CELSR1: variants seen among roughly 807,000 people sequenced by gnomAD.
The protein encoded by CELSR1 is adhesion G protein-coupled receptor C1.
A neutral mutation model predicts 249.1 loss-of-function variants in CELSR1; 110 were observed. The observed-to-expected ratio is 0.44, with a 90% CI of 0.38 to 0.52. The LOEUF is 0.52. Among genes scored for constraint, CELSR1 ranks in the 20% least tolerant of loss-of-function variants. The pLI is 0.00. For synonymous variants in CELSR1, 2,113 were observed against 1,900.0 expected, an observed-to-expected ratio of 1.11 and a Z score of -2.92; for missense variants, 4,109 against 4,296.4, an observed-to-expected ratio of 0.96 and a Z score of 1.22.
chr22:46,362,469 C>T lies in CELSR1; in HGVS notation c.*754G>A, dbSNP rs997223662. 3.9e-5 allele frequency: 6 copies of T among 152,534 alleles called. No homozygotes were observed. Among genetic ancestry groups the T allele is most frequent in the African/African-American group, 7.2e-5 (3 of 41,462 alleles). The allele number at this position is 152,534 out of a possible 1,614,324, so 9.4% of individuals were successfully genotyped here. A position where few individuals can be genotyped will look rare whatever the true frequency, so the allele number is the denominator to read the frequency against. On this transcript the variant is annotated 3_prime_UTR_variant, in exon 35 of 35. Transcript: ENST00000674500. ...GCCCACACCATCCTCACTTCCTGGCCGAAGGCAGCTGTAGGGCTTCTAGCC... is the reference window on the plus strand; with the variant it reads ...GCCCACACCATCCTCACTTCCTGGCTGAAGGCAGCTGTAGGGCTTCTAGCC...
At chr22:46,368,362 C>T (rs369978158) in intron 27 of CELSR1, among the ~76,000 whole-genome samples, 2 of 152,178 alleles carry the variant, frequency 1.3e-5, no homozygotes, top group Admixed American at 6.5e-5. Flanking sequence ...GTCCACAGGT[C>T]GTGGATGGCA....
intron 19 of CELSR1, 23 bp downstream of exon 19, chr22:46,386,379 C>T: frequency 6.6e-7 from 1 of 1,522,904 alleles, no homozygotes; most frequent in Non-Finnish European, 8.8e-7. Context: ...AGGGTTCCAC[C>T]CCCAACGCAG....
chr22:46,407,701 G>A lies in CELSR1; in HGVS notation c.5226+1295C>T, dbSNP rs1206619961. 6.6e-6 allele frequency among the ~76,000 whole-genome samples: 1 copy of A among 152,204 alleles called. No homozygotes were observed. Among genetic ancestry groups the A allele is most frequent in the Non-Finnish European group, 1.5e-5 (1 of 68,046 alleles). On this transcript the variant is annotated intron_variant, in intron 9 of 34. Coordinates refer to ENST00000674500, the MANE Select transcript of CELSR1 (RefSeq NM_001378328.1). The surrounding 1 kb of genome is among the most constrained non-coding windows in gnomAD (Gnocchi z 4.8). ...GAAGGAATAACTCAGTTATGAATCT[G>A]TCAAATCAAGACAGAGCGCCCTGCT...
chr22:46,508,366 T>C (rs958864979), intron 1 of CELSR1, among the ~76,000 whole-genome samples: 2 of 152,072 alleles, frequency 1.3e-5, no homozygotes, highest in Admixed American at 6.5e-5. Flanking sequence ...GAGGGGCACA[T>C]GGGCCCTGCC....
chr22:46,497,002 A>G (rs1361617648), intron 1 of CELSR1, among the ~76,000 whole-genome samples: 3 of 152,242 alleles, frequency 2.0e-5, no homozygotes, highest in Non-Finnish European at 2.9e-5. Context: ...CGTGTGTGCT[A>G]GAATTTTACA....
intron 1 of CELSR1, among the ~76,000 whole-genome samples, chr22:46,522,625 T>C (rs755470811): frequency 2.4e-4 from 36 of 152,230 alleles, no homozygotes; most frequent in Non-Finnish European, 4.1e-4. Context: ...TAACAGTTTT[T>C]AAATGGGATA....
chr22:46,533,491 G>A (rs552565392), intron 1 of CELSR1, 136 bp downstream of exon 1: 35 of 1,305,478 alleles, frequency 2.7e-5, no homozygotes, highest in Middle Eastern at 2.5e-4. Context: ...TCCAACCGGC[G>A]GCAACAAATC....
chr22:46,465,377 G>T (rs375584421), intron 1 of CELSR1, among the ~76,000 whole-genome samples: 2 of 151,896 alleles, frequency 1.3e-5, no homozygotes, highest in African/African-American at 4.8e-5. Context: ...TCCATGGAGC[G>T]TGGGGCCCCT....
intron 5 of CELSR1, among the ~76,000 whole-genome samples, chr22:46,421,743 G>T (rs1048868078): frequency 1.3e-5 from 2 of 152,274 alleles, no homozygotes; most frequent in African/African-American, 4.8e-5. Context: ...GGTAAGTAAA[G>T]GCAGTGGCCG....
Position 46,506,173 on chromosome 22 carries a change from CAAAAAAAA to C in CELSR1, c.3544+27446_3544+27453del, listed in dbSNP as rs59470297. Among the ~76,000 whole-genome samples the C allele has an allele frequency of 5.1e-5, 7 of 137,032 alleles. No individual in the cohort carries two copies. The highest frequency in any genetic ancestry group is 8.8e-5 in the African/African-American group (3 of 34,246). 89.9% of individuals were successfully genotyped at this position (137,032 alleles called of 152,430 possible). A position where few individuals can be genotyped will look rare whatever the true frequency, so the allele number is the denominator to read the frequency against. On this transcript the variant is annotated intron_variant, in intron 1 of 34. Coordinates refer to ENST00000674500, the MANE Select transcript of CELSR1 (RefSeq NM_001378328.1). This position sits in a 1 kb window ranked among gnomAD's most constrained non-coding sequence, Gnocchi z 4.1. ...CAGCCTGGGCGACAGAGACTGTCTC[CAAAAAAAA>C]AAAAAAAAAAAAGAAAAAGAAAGAA...
chr22:46,503,539 A>G (rs1203473611), intron 1 of CELSR1, among the ~76,000 whole-genome samples: 1 of 152,256 alleles, frequency 6.6e-6, no homozygotes, highest in Non-Finnish European at 1.5e-5. Context: ...GCATCCAGCG[A>G]GAGGAAGCCA....
At chr22:46,491,898 A>G (rs564219159) in intron 1 of CELSR1, among the ~76,000 whole-genome samples, 2 of 152,224 alleles carry the variant, frequency 1.3e-5, no homozygotes, top group South Asian at 4.2e-4. Context: ...CAGCCTCCCA[A>G]AGTGCTGGGA....
Position 46,410,258 on chromosome 22 carries a change from G to C in CELSR1, c.4933+140C>G. ...GCCTGGACTCCGGGTTCCATCCCAG[G>C]AGCTGCCCACCGCTGGACACATACA... On this transcript the variant is annotated intron_variant, in intron 7 of 34. Transcript: ENST00000674500. This position sits in a 1 kb window ranked among gnomAD's most constrained non-coding sequence, Gnocchi z 6.8. 9.5e-7 allele frequency: 1 copy of C among 1,056,520 alleles called. No individual in the cohort carries two copies. The allele number at this position is 1,056,520 out of a possible 1,614,324, so 65.4% of individuals were successfully genotyped here.
rs568816275 is a variant in CELSR1 at position 46,490,021 on chromosome 22, C to T, written c.3545-25676G>A. 2.6e-4 allele frequency among the ~76,000 whole-genome samples: 39 copies of T among 152,328 alleles called. No homozygotes were observed. The highest frequency in any genetic ancestry group is 4.6e-4 in the African/African-American group (19 of 41,580). On this transcript the variant is annotated intron_variant, in intron 1 of 34. Coordinates refer to ENST00000674500, the MANE Select transcript of CELSR1 (RefSeq NM_001378328.1). The surrounding 1 kb of genome is among the most constrained non-coding windows in gnomAD (Gnocchi z 5.2). ...GCGTCCTCCTGGCCATCTCAGCATC[C>T]GCCCCTGCAGTGGGAACACCTAACG...
intron 1 of CELSR1, among the ~76,000 whole-genome samples, chr22:46,502,403 A>G: frequency 7.8e-6 from 1 of 128,060 alleles, no homozygotes; most frequent in Non-Finnish European, 1.6e-5. Flanking sequence ...AAGTGGAAAG[A>G]AGAGGGAAGG....
chr22:46,457,331 C>T (rs570632388), intron 2 of CELSR1, among the ~76,000 whole-genome samples: 1 of 151,888 alleles, frequency 6.6e-6, no homozygotes, highest in Non-Finnish European at 1.5e-5. Flanking sequence ...GGCAACAGAG[C>T]AAGACTCATC....
At chr22:46,525,836 C>G (rs1029185143) in intron 1 of CELSR1, among the ~76,000 whole-genome samples, 2 of 152,242 alleles carry the variant, frequency 1.3e-5, no homozygotes, top group Non-Finnish European at 2.9e-5. Flanking sequence ...AGGCACCAGC[C>G]CAAACCCAAG....
Position 46,399,003 on chromosome 22 carries a change from T to C in CELSR1, c.5413-366A>G, listed in dbSNP as rs1183941458. Among the ~76,000 whole-genome samples the C allele has an allele frequency of 2.0e-5, 3 of 152,178 alleles. No homozygotes were observed. Among genetic ancestry groups the C allele is most frequent in the African/African-American group, 7.2e-5 (3 of 41,454 alleles). On this transcript the variant is annotated intron_variant, in intron 10 of 34. Transcript: ENST00000674500. The surrounding 1 kb of genome is among the most constrained non-coding windows in gnomAD (Gnocchi z 5.0). The stretch of plus-strand genomic sequence containing the variant: ...CAGTGAACGGAAATCCGCTCACTCA[T>C]TAACACTGTGGGAACCCAAGAGGGT...
intron 1 of CELSR1, among the ~76,000 whole-genome samples, chr22:46,483,790 C>A (rs3827410): frequency 0.58 from 88,679 of 151,990 alleles, 27,267 homozygotes; most frequent in East Asian, 0.93. Flanking sequence ...CATCTTCCTG[C>A]CAAGGTAGAG....
Sources: gnomAD v4.1 joint callset for allele counts (sites outside exome capture counted in the v4.1 genomes callset) on GRCh38, gnomAD v4.1.1 for gene constraint, Gnocchi (gnomAD v3.1) non-coding constraint, MANE v1.5 for transcripts, NCBI Gene and HGNC (gene_info 2026-07-23, HGNC 2026-07-21) for gene names.